The following MAP4K4 variants were observed in gnomAD, a reference collection of about 807,000 sequenced individuals.
MAP4K4 encodes HPK/GCK-like kinase HGK.
MAP4K4 carries 38 observed loss-of-function variants against 189.6 expected under a neutral mutation model. That is an observed-to-expected ratio of 0.20 (90% confidence interval 0.15 to 0.26). MAP4K4 has a LOEUF of 0.26. MAP4K4 is among the 10% of genes least tolerant of loss of function. MAP4K4 has a pLI of 1.00. For missense variants in MAP4K4, 1,054 were observed against 1,726.9 expected (o/e 0.61, Z 6.91); for synonymous variants, 610 against 624.3 (o/e 0.98, Z 0.34).
At chr2:101,808,633 T>C (rs2095197333) in intron 3 of MAP4K4, among the ~76,000 whole-genome samples, 1 of 151,410 alleles carries the variant, frequency 6.6e-6, no homozygotes, top group Non-Finnish European at 1.5e-5. Flanking sequence ...ACAAAAAATT[T>C]AAGTGACGTT....
intron 3 of MAP4K4, among the ~76,000 whole-genome samples, chr2:101,818,155 A>C (rs2095833836): frequency 6.6e-6 from 1 of 152,210 alleles, no homozygotes; most frequent in South Asian, 2.1e-4. Flanking sequence ...AAAAGTAGTC[A>C]GTTCTCATTT....
chr2:101,887,930 A>G (rs779022752), exon 31 of MAP4K4: 5 of 1,602,356 alleles, frequency 3.1e-6, no homozygotes, highest in African/African-American at 2.7e-5. Flanking sequence ...AGATGCCTAC[A>G]TCAGTAGGTA....
At chr2:101,824,341 G>T (rs966053227) in intron 4 of MAP4K4, among the ~76,000 whole-genome samples, 15 of 152,122 alleles carry the variant, frequency 9.9e-5, no homozygotes, top group Admixed American at 4.6e-4. Context: ...AGGAAATTAG[G>T]AGCTTGAAAG....
intron 1 of MAP4K4, 137 bp from the exon 2 acceptor site, chr2:101,698,336 A>C: frequency 4.5e-5 from 37 of 817,444 alleles, no homozygotes; most frequent in Admixed American, 4.7e-5. Flanking sequence ...CCGCCGCGCG[A>C]CCCCCGGGCG....
At chr2:101,775,469 T>C (rs2083577990) in intron 2 of MAP4K4, among the ~76,000 whole-genome samples, 1 of 151,970 alleles carries the variant, frequency 6.6e-6, no homozygotes, top group Non-Finnish European at 1.5e-5. Context: ...GTACCTCCTA[T>C]TTGAGATTGT....
chr2:101,808,010 A>C (rs190447413), intron 3 of MAP4K4, among the ~76,000 whole-genome samples: 50 of 152,300 alleles, frequency 3.3e-4, no homozygotes, highest in Admixed American at 9.8e-4. Flanking sequence ...TGGGAAGCAT[A>C]CCCAAACTGT....
chr2:101,860,089 CAT>C (rs2097591732), intron 15 of MAP4K4: 1 of 583,424 alleles, frequency 1.7e-6, no homozygotes, highest in Non-Finnish European at 3.1e-6. Flanking sequence ...CCTCAGTTAA[CAT>C]ATCCCAGAAG....
At chr2:101,752,399 G>T (rs1468352474) in intron 2 of MAP4K4, among the ~76,000 whole-genome samples, 2 of 152,120 alleles carry the variant, frequency 1.3e-5, no homozygotes, top group African/African-American at 4.8e-5. Context: ...TTGTATGAAG[G>T]GTGGCATTAT....
intron 2 of MAP4K4, among the ~76,000 whole-genome samples, chr2:101,722,838 G>A (rs1198291037): frequency 6.6e-6 from 1 of 152,208 alleles, no homozygotes; most frequent in African/African-American, 2.4e-5. Context: ...TCATAGTTGA[G>A]TTGAACTTGC....
chr2:101,873,862 C>G, intron 25 of MAP4K4, 98 bp downstream of exon 25: 1 of 906,418 alleles, frequency 1.1e-6, no homozygotes, highest in Non-Finnish European at 1.7e-6. Context: ...TTCACAGGCA[C>G]AGACCTCGGG....
intron 2 of MAP4K4, among the ~76,000 whole-genome samples, chr2:101,736,090 G>C (rs6724370): frequency 0.75 from 113,827 of 151,994 alleles, 43,108 homozygotes; most frequent in African/African-American, 0.88. Flanking sequence ...AGAGCTGCTG[G>C]AGCTGCTGCT....
At chr2:101,865,189 G>T (rs1166328741) in intron 18 of MAP4K4, among the ~76,000 whole-genome samples, 153 bp downstream of exon 18, 1 of 152,220 alleles carries the variant, frequency 6.6e-6, no homozygotes, top group Non-Finnish European at 1.5e-5. Context: ...ATCCATCAAC[G>T]TGGATGGCAT....
intron 3 of MAP4K4, among the ~76,000 whole-genome samples, chr2:101,809,932 A>T (rs1208860791): frequency 2.6e-5 from 4 of 152,246 alleles, no homozygotes; most frequent in African/African-American, 9.6e-5. Flanking sequence ...GATAATGCCA[A>T]ATATACTTAC....
At chr2:101,840,307 A>T (rs1281002868) in intron 10 of MAP4K4, among the ~76,000 whole-genome samples, 1 of 151,980 alleles carries the variant, frequency 6.6e-6, no homozygotes, top group Non-Finnish European at 1.5e-5. Context: ...GGTATATTTC[A>T]CTGGGGTGTA....
At chr2:101,721,146 G>C (rs955921673) in intron 2 of MAP4K4, among the ~76,000 whole-genome samples, 2 of 152,106 alleles carry the variant, frequency 1.3e-5, no homozygotes, top group African/African-American at 4.8e-5. Context: ...CATGTCAGTA[G>C]ACTATGAGGT....
chr2:101,843,476 G>T (rs1027361444), intron 11 of MAP4K4, among the ~76,000 whole-genome samples: 23 of 152,166 alleles, frequency 1.5e-4, no homozygotes, highest in African/African-American at 5.5e-4. Flanking sequence ...AATTGTTTTT[G>T]AATAGGAGGA....
intron 32 of MAP4K4, 21 bp downstream of exon 32, chr2:101,888,956 T>C: frequency 6.3e-7 from 1 of 1,593,208 alleles, no homozygotes; most frequent in East Asian, 2.3e-5. Flanking sequence ...CCTTATGGAT[T>C]CTTTTTAGTT....
intron 9 of MAP4K4, among the ~76,000 whole-genome samples, chr2:101,836,588 CA>C (rs537200043): frequency 3.8e-4 from 53 of 141,040 alleles, no homozygotes; most frequent in Admixed American, 5.0e-4. Flanking sequence ...AACTCTGTCT[CA>C]AAAAAAAAAA....
chr2:101,767,935 G>T (rs1443234347), intron 2 of MAP4K4, among the ~76,000 whole-genome samples: 3 of 152,082 alleles, frequency 2.0e-5, no homozygotes, highest in Non-Finnish European at 2.9e-5. Context: ...ATGGCCTTTT[G>T]GATTTGGTGG....
Sources: allele counts gnomAD v4.1 joint callset (sites outside exome capture counted in the v4.1 genomes callset), GRCh38; gene constraint gnomAD v4.1.1; transcripts MANE v1.5; gene names NCBI Gene and HGNC (gene_info 2026-07-23, HGNC 2026-07-21).